SOX5: variants seen among roughly 807,000 people sequenced by gnomAD.
SOX5 encodes transcription factor SOX-5.
SOX5 carries 9 observed loss-of-function variants against 92.0 expected under a neutral mutation model. The observed-to-expected ratio is 0.10, with a 90% CI of 0.06 to 0.17. The LOEUF (loss-of-function observed/expected upper bound fraction) is 0.17, where lower values mean the gene tolerates loss of function less well. SOX5 is among the 10% of genes least tolerant of loss of function. The pLI is 1.00. For synonymous variants in SOX5, 344 were observed against 336.3 expected (o/e 1.02, Z -0.25); for missense variants, 642 against 944.5 (o/e 0.68, Z 4.20).
intron 3 of SOX5, among the ~76,000 whole-genome samples, chr12:23,783,401 T>C (rs1458162476): frequency 6.6e-6 from 1 of 152,192 alleles, no homozygotes; most frequent in Non-Finnish European, 1.5e-5. Flanking sequence ...GAAGAACAGA[T>C]AATCAAATGA....
At chr12:24,032,157 A>G (rs1955579082) in intron 4 of SOX5, among the ~76,000 whole-genome samples, 1 of 151,840 alleles carries the variant, frequency 6.6e-6, no homozygotes, top group East Asian at 1.9e-4. Flanking sequence ...GGAGGAAATA[A>G]ACTATGGGCA....
intron 1 of SOX5, among the ~76,000 whole-genome samples, chr12:23,904,550 A>C (rs2097271069): frequency 6.6e-6 from 1 of 152,118 alleles, no homozygotes; most frequent in African/African-American, 2.4e-5. Flanking sequence ...TAAAATCAAA[A>C]CTACTTTTGA....
At chr12:24,470,812 A>T (rs1944737434) in intron 1 of SOX5, among the ~76,000 whole-genome samples, 1 of 152,196 alleles carries the variant, frequency 6.6e-6, no homozygotes, top group South Asian at 2.1e-4. Context: ...CTCAACTGAA[A>T]AATGAGTATA....
intron 1 of SOX5, among the ~76,000 whole-genome samples, chr12:24,482,988 C>A (rs1363250230): frequency 6.6e-6 from 1 of 152,058 alleles, no homozygotes; most frequent in East Asian, 1.9e-4. Context: ...GTGTAAAAAA[C>A]ATATTTCCCT....
intron 4 of SOX5, among the ~76,000 whole-genome samples, chr12:24,190,479 A>G (rs1457794271): frequency 6.6e-6 from 1 of 152,154 alleles, no homozygotes; most frequent in Non-Finnish European, 1.5e-5. Flanking sequence ...CTCTTTTCCT[A>G]TATGATGGAA....
At chr12:24,191,512 G>A (rs748002268) in intron 4 of SOX5, among the ~76,000 whole-genome samples, 5 of 152,076 alleles carry the variant, frequency 3.3e-5, no homozygotes, top group African/African-American at 4.8e-5. Flanking sequence ...CTTGTTCCCC[G>A]GACACCTGCT....
intron 4 of SOX5, among the ~76,000 whole-genome samples, chr12:24,092,787 T>A (rs114835644): frequency 6.6e-6 from 1 of 152,382 alleles, no homozygotes; most frequent in African/African-American, 2.4e-5. Context: ...TGACTTGGCA[T>A]CTATTTTTCC....
rs1379653546 is a variant in SOX5, at chr12:23,598,385, A to C, written c.1164+6002T>G. 6.3e-3 allele frequency among the ~76,000 whole-genome samples: 631 copies of C among 99,588 alleles called. 9 individuals carry two copies. Among genetic ancestry groups the C allele is most frequent in the African/African-American group, 0.022 (607 of 27,788 alleles). 65.3% of individuals were successfully genotyped at this position (99,588 alleles called of 152,430 possible). A position where few individuals can be genotyped will look rare whatever the true frequency, so the allele number is the denominator to read the frequency against. ...AAGTCTCTTTGTTGTCTTGTGCTTT[A>C]TCTTTTTTTTTTTTTTTTTTTTTTT... is the stretch of plus-strand genomic sequence containing the variant. On this transcript the variant is annotated intron_variant, in intron 9 of 14. Transcript: ENST00000451604.
At chr12:23,790,548 T>TCTCTCACACACA (rs1340837266) in intron 3 of SOX5, among the ~76,000 whole-genome samples, 3 of 137,392 alleles carry the variant, frequency 2.2e-5, no homozygotes, top group African/African-American at 8.3e-5. Context: ...TCTCAATCTC[T>TCTCTCACACACA]CACACACACA....
intron 1 of SOX5, among the ~76,000 whole-genome samples, chr12:24,468,151 C>T (rs1404832930): frequency 6.6e-6 from 1 of 152,168 alleles, no homozygotes; most frequent in Non-Finnish European, 1.5e-5. Context: ...GGGTGAAAGG[C>T]ACAAAACATC....
intron 7 of SOX5, among the ~76,000 whole-genome samples, chr12:23,644,822 T>C (rs1198738730): frequency 6.6e-6 from 1 of 152,216 alleles, no homozygotes; most frequent in Non-Finnish European, 1.5e-5. Flanking sequence ...GTTAAAATTG[T>C]AAATACTATT....
At chr12:24,208,506 T>A (rs1301663817) in intron 4 of SOX5, among the ~76,000 whole-genome samples, 2 of 152,224 alleles carry the variant, frequency 1.3e-5, no homozygotes, top group Non-Finnish European at 2.9e-5. Flanking sequence ...TCCTTGGCAA[T>A]CTTCCCACTG....
intron 2 of SOX5, among the ~76,000 whole-genome samples, chr12:24,283,093 CTT>C (rs1365796894): frequency 6.6e-6 from 1 of 152,190 alleles, no homozygotes; most frequent in Non-Finnish European, 1.5e-5. Flanking sequence ...GTGCCGTAGT[CTT>C]AACCACTGGA....
At chr12:24,089,089 G>C (rs1944343654) in intron 4 of SOX5, among the ~76,000 whole-genome samples, 1 of 152,078 alleles carries the variant, frequency 6.6e-6, no homozygotes, top group African/African-American at 2.4e-5. Flanking sequence ...TTCATCCAAA[G>C]TCGGTAATAT....
intron 6 of SOX5, among the ~76,000 whole-genome samples, chr12:23,688,098 G>A (rs2087977398): frequency 6.6e-6 from 1 of 151,968 alleles, no homozygotes; most frequent in African/African-American, 2.4e-5. Context: ...CAATTATGCT[G>A]ATGCTGTACT....
chr12:24,198,918 C>A (rs776383939), intron 4 of SOX5, among the ~76,000 whole-genome samples: 17 of 152,200 alleles, frequency 1.1e-4, no homozygotes, highest in Non-Finnish European at 2.2e-4. Flanking sequence ...AACTGATGGC[C>A]TGCTCCCCGT....
Position 23,603,022 on chromosome 12 carries a change from C to A in SOX5, c.1164+1365G>T, listed in dbSNP as rs146373057. Among the ~76,000 whole-genome samples the A allele has an allele frequency of 3.5e-3, 539 of 152,118 alleles. 5 individuals are homozygous for A. The highest frequency in any genetic ancestry group is 0.012 in the African/African-American group (493 of 41,538). The stretch of plus-strand genomic sequence containing the variant: ...TCAATGTAGTGTGTACAATAATTTT[C>A]ATTAAATATTTCTACATATTGCTGA... On this transcript the variant is annotated intron_variant, in intron 9 of 14. Transcript: ENST00000451604.
At chr12:24,051,245 G>C (rs1244582418) in intron 4 of SOX5, among the ~76,000 whole-genome samples, 1 of 152,018 alleles carries the variant, frequency 6.6e-6, no homozygotes, top group Non-Finnish European at 1.5e-5. Flanking sequence ...GACTAGAAAA[G>C]AATGTTTTTT....
At chr12:23,705,742 T>A (rs2091303751) in intron 6 of SOX5, among the ~76,000 whole-genome samples, 1 of 152,032 alleles carries the variant, frequency 6.6e-6, no homozygotes, top group East Asian at 1.9e-4. Context: ...TAACTTTACG[T>A]AAGAAAAGAA....
Sources: allele counts gnomAD v4.1 joint callset (sites outside exome capture counted in the v4.1 genomes callset), GRCh38; gene constraint gnomAD v4.1.1; transcripts MANE v1.5; gene names NCBI Gene and HGNC (gene_info 2026-07-23, HGNC 2026-07-21).